The following ZC4H2 variants were observed in gnomAD, a reference collection of about 807,000 sequenced individuals.
The protein encoded by ZC4H2 is zinc finger C4H2-type containing, also known as zinc finger C4H2 domain-containing protein.
For missense variants in ZC4H2, 137 were observed against 173.9 expected (o/e 0.79, Z 1.19); for synonymous variants, 84 against 66.3 (o/e 1.27, Z -1.30).
intron 1 of ZC4H2, among the ~76,000 whole-genome samples, chrX:64,932,842 T>G (rs749074691): frequency 9.0e-6 from 1 of 111,500 alleles, no homozygotes; most frequent in East Asian, 2.8e-4. Flanking sequence ...GCCTTAATGA[T>G]GATTGTTTTG....
At chrX:64,975,469 C>T (rs1931917129) in intron 1 of ZC4H2, among the ~76,000 whole-genome samples, 1 of 111,952 alleles carries the variant, frequency 8.9e-6, no homozygotes, top group Non-Finnish European at 1.9e-5. Context: ...GAGAGCTTGA[C>T]CCAGGCCACT....
intron 1 of ZC4H2, among the ~76,000 whole-genome samples, chrX:64,953,195 T>A (rs1159394766): frequency 5.3e-5 from 6 of 112,178 alleles, no homozygotes; most frequent in African/African-American, 9.7e-5. Context: ...GACCTAAATG[T>A]TAGACCTAAA....
At chrX:64,950,452 A>G (rs1416450411) in intron 1 of ZC4H2, among the ~76,000 whole-genome samples, 1 of 111,423 alleles carries the variant, frequency 9.0e-6, no homozygotes, top group African/African-American at 3.3e-5. Flanking sequence ...GTGGGATGTT[A>G]AAGTCTCCCA....
intron 2 of ZC4H2, 84 bp from the exon 3 acceptor site, chrX:64,920,337 G>A (rs1338126879): frequency 3.0e-6 from 3 of 1,016,807 alleles, no homozygotes; most frequent in Non-Finnish European, 4.0e-6. Flanking sequence ...AATAGCACAA[G>A]CTCCAGAACT....
intron 1 of ZC4H2, among the ~76,000 whole-genome samples, chrX:64,956,130 A>T (rs1412299627): frequency 8.9e-6 from 1 of 112,195 alleles, no homozygotes; most frequent in African/African-American, 3.2e-5. Flanking sequence ...ATACTAAATA[A>T]TAGCATTGGC....
chrX:64,951,129 A>C (rs1190457593), intron 1 of ZC4H2, among the ~76,000 whole-genome samples: 4 of 111,854 alleles, frequency 3.6e-5, no homozygotes, highest in Middle Eastern at 4.7e-3. Flanking sequence ...CTACAAAGGA[A>C]ATGAACTCAT....
intron 1 of ZC4H2, among the ~76,000 whole-genome samples, chrX:64,983,429 T>A (rs1932120668): frequency 8.9e-6 from 1 of 111,807 alleles, no homozygotes; most frequent in Non-Finnish European, 1.9e-5. Flanking sequence ...CAGGTTCCTA[T>A]TATCCTCTAA....
intron 1 of ZC4H2, among the ~76,000 whole-genome samples, chrX:64,934,484 G>A (rs1379841933): frequency 2.7e-5 from 3 of 112,166 alleles, no homozygotes; most frequent in Non-Finnish European, 5.6e-5. Context: ...TTTGATGCCT[G>A]TGGGGTCTGC....
At chrX:64,956,161 C>T (rs1457530785) in intron 1 of ZC4H2, among the ~76,000 whole-genome samples, 1 of 111,955 alleles carries the variant, frequency 8.9e-6, no homozygotes, top group Non-Finnish European at 1.9e-5. Flanking sequence ...AATATCTGTG[C>T]AGCTGCTGGC....
intron 1 of ZC4H2, among the ~76,000 whole-genome samples, chrX:64,945,320 C>T (rs930481481): frequency 8.9e-5 from 10 of 112,100 alleles, no homozygotes; most frequent in African/African-American, 2.9e-4. Flanking sequence ...GTTAGTTTTC[C>T]TTCTAACAGT....
At chrX:64,925,101 C>A (rs1265499675) in intron 1 of ZC4H2, among the ~76,000 whole-genome samples, 2 of 111,343 alleles carry the variant, frequency 1.8e-5, no homozygotes, top group African/African-American at 6.5e-5. Context: ...GGGCAGTCAA[C>A]AAATGATAGG....
intron 1 of ZC4H2, among the ~76,000 whole-genome samples, chrX:64,936,167 A>G (rs1857905668): frequency 9.1e-6 from 1 of 109,556 alleles, no homozygotes; most frequent in Admixed American, 9.9e-5. Flanking sequence ...AGAAGAAAGT[A>G]TATCAGAGAT....
chrX:65,012,636 A>G lies in ZC4H2; in HGVS notation c.-272+21993T>C, dbSNP rs765463380. Reference sequence around the variant, plus strand: ...GCTAATCATAGTTGCCCAAAAATGTAAGTCCCAGTTCTCTACATGACTACA... The same window carrying G: ...GCTAATCATAGTTGCCCAAAAATGTGAGTCCCAGTTCTCTACATGACTACA... On this transcript the variant is annotated intron_variant, in intron 1 of 4. Transcript: ENST00000337990. 6.2e-5 allele frequency among the ~76,000 whole-genome samples: 7 copies of G among 112,291 alleles called. No homozygotes were observed. In the South Asian group the frequency reaches 2.6e-3, roughly 42 times the overall value.
intron 1 of ZC4H2, among the ~76,000 whole-genome samples, chrX:65,019,369 T>A (rs1225425077): frequency 8.9e-6 from 1 of 112,388 alleles, no homozygotes; most frequent in Non-Finnish European, 1.9e-5. Context: ...TTCTGCAGCC[T>A]CTGCTGGTGA....
intron 1 of ZC4H2, among the ~76,000 whole-genome samples, chrX:64,991,488 A>G (rs992316654): frequency 8.9e-6 from 1 of 111,818 alleles, no homozygotes; most frequent in Non-Finnish European, 1.9e-5. Flanking sequence ...AGGCAGGAGG[A>G]GTGTTTGAAC....
chrX:65,007,477 A>C (rs1416441510), intron 1 of ZC4H2, among the ~76,000 whole-genome samples: 3 of 112,614 alleles, frequency 2.7e-5, no homozygotes, highest in African/African-American at 9.7e-5. Context: ...GGGCAGGCAC[A>C]GTCATTTTTT....
chrX:64,943,348 G>A (rs932102996), intron 1 of ZC4H2, among the ~76,000 whole-genome samples: 5 of 111,832 alleles, frequency 4.5e-5, no homozygotes, highest in East Asian at 2.8e-4. Context: ...TATTAGGTCC[G>A]CTTGGGCTAG....
At chrX:64,924,319 T>G (rs1929336171) in intron 1 of ZC4H2, among the ~76,000 whole-genome samples, 1 of 112,370 alleles carries the variant, frequency 8.9e-6, no homozygotes, top group South Asian at 3.7e-4. Flanking sequence ...TATTGAGCAC[T>G]TACTATGTAT....
At chrX:64,940,580 T>A (rs2147373783) in intron 1 of ZC4H2, among the ~76,000 whole-genome samples, 1 of 111,647 alleles carries the variant, frequency 9.0e-6, no homozygotes, top group East Asian at 2.8e-4. Context: ...TTGTATAAGG[T>A]GTAAGGAAGG....
Sources: gnomAD v4.1 joint callset for allele counts (sites outside exome capture counted in the v4.1 genomes callset) on GRCh38, gnomAD v4.1.1 for gene constraint, MANE v1.5 for transcripts, NCBI Gene and HGNC (gene_info 2026-07-23, HGNC 2026-07-21) for gene names.